The following RTF1 variants were observed in gnomAD, a reference collection of about 807,000 sequenced individuals.
RTF1 encodes RTF1 homolog, Paf1/RNA polymerase II complex component.
Under a neutral mutation model 95.7 loss-of-function variants are expected in RTF1, and 10 were observed. The ratio of observed to expected loss-of-function variants is 0.10; its 90% CI spans 0.06 to 0.18. The LOEUF (loss-of-function observed/expected upper bound fraction) is 0.18, where lower values mean the gene tolerates loss of function less well. RTF1 is among the 10% of genes least tolerant of loss of function. RTF1 has a pLI of 1.00. For synonymous variants in RTF1, 305 were observed against 311.8 expected (o/e 0.98, Z 0.23); for missense variants, 458 against 875.6 (o/e 0.52, Z 6.02).
chr15:41,474,492 G>A (rs1418797412), intron 8 of RTF1, 128 bp from the exon 9 acceptor site: 1 of 702,766 alleles, frequency 1.4e-6, no homozygotes. Context: ...CAGAACCCCT[G>A]GCAGCTGTGG....
chr15:41,458,087 A>G (rs1321992111), intron 4 of RTF1, among the ~76,000 whole-genome samples: 1 of 152,184 alleles, frequency 6.6e-6, no homozygotes, highest in Non-Finnish European at 1.5e-5. Flanking sequence ...AATGTACGTT[A>G]TTCAGAAGGT....
intron 7 of RTF1, 112 bp downstream of exon 7, chr15:41,470,504 C>G (rs2050904686): frequency 8.6e-7 from 1 of 1,157,576 alleles, no homozygotes; most frequent in Non-Finnish European, 1.3e-6. Context: ...GACATGGTTA[C>G]CTTTGGTTTG....
intron 4 of RTF1, among the ~76,000 whole-genome samples, chr15:41,458,613 G>C (rs1335020818): frequency 6.6e-6 from 1 of 151,090 alleles, no homozygotes; most frequent in Non-Finnish European, 1.5e-5. Context: ...GCCTGGTGTG[G>C]TGTTGTGCAC....
At chr15:41,428,918 G>A (rs1454140095) in intron 1 of RTF1, among the ~76,000 whole-genome samples, 2 of 152,006 alleles carry the variant, frequency 1.3e-5, no homozygotes, top group African/African-American at 4.8e-5. Flanking sequence ...TGTATTTTTA[G>A]TAGAGACGGG....
intron 1 of RTF1, among the ~76,000 whole-genome samples, chr15:41,433,322 A>T (rs2050685087): frequency 6.6e-6 from 1 of 152,142 alleles, no homozygotes. Flanking sequence ...CAGAGAAGAG[A>T]TTACTTACCA....
chr15:41,421,120 G>T (rs1254345257), intron 1 of RTF1, among the ~76,000 whole-genome samples: 1 of 152,098 alleles, frequency 6.6e-6, no homozygotes, highest in Non-Finnish European at 1.5e-5. Context: ...CCAGGTGTTT[G>T]AGATCAGCGT....
chr15:41,446,808 T>A (rs955920924), intron 2 of RTF1, among the ~76,000 whole-genome samples: 63 of 151,170 alleles, frequency 4.2e-4, no homozygotes, highest in East Asian at 7.8e-4. Flanking sequence ...CTGTTATTTT[T>A]TTTTTTTTTT....
At chr15:41,429,808 C>T (rs2050659501) in intron 1 of RTF1, among the ~76,000 whole-genome samples, 2 of 151,902 alleles carry the variant, frequency 1.3e-5, no homozygotes, top group Admixed American at 6.6e-5. Context: ...CCTCTCTAAC[C>T]ACCCTACTGC....
chr15:41,433,811 C>G (rs1169193072), intron 1 of RTF1, among the ~76,000 whole-genome samples: 1 of 150,316 alleles, frequency 6.7e-6, no homozygotes, highest in Non-Finnish European at 1.5e-5. Flanking sequence ...GGTAACAACT[C>G]AGATGTTTTA....
chr15:41,422,291 C>T (rs1441152783), intron 1 of RTF1, among the ~76,000 whole-genome samples: 1 of 152,096 alleles, frequency 6.6e-6, no homozygotes, highest in Admixed American at 6.6e-5. Flanking sequence ...CTTATTTTAA[C>T]CTTTGAAAGT....
chr15:41,474,599 C>T lies in RTF1; in HGVS notation c.1204-21C>T, dbSNP rs3850773. 690 of 1,577,676 alleles carry T rather than the reference C, an allele frequency of 4.4e-4. 1 individual carries two copies. In the African/African-American group the frequency reaches 8.0e-3, roughly 18 times the overall value. On this transcript the variant is annotated intron_variant, in intron 8 of 17. Transcript: ENST00000389629. Reference sequence around the variant, plus strand: ...TCCGGAAGAGTCTGGTTTTGACTGGCGTCTCTGTCCTCTCACTTAGGTCGC... The same window carrying T: ...TCCGGAAGAGTCTGGTTTTGACTGGTGTCTCTGTCCTCTCACTTAGGTCGC...
intron 7 of RTF1, 57 bp downstream of exon 7, chr15:41,470,449 G>C (rs2050904398): frequency 6.3e-7 from 1 of 1,577,460 alleles, no homozygotes; most frequent in Non-Finnish European, 8.7e-7. Context: ...TTGAGGAAGA[G>C]CTTGGTATCG....
intron 9 of RTF1, among the ~76,000 whole-genome samples, 193 bp downstream of exon 9, chr15:41,474,895 G>A (rs532170159): frequency 2.0e-5 from 3 of 152,166 alleles, no homozygotes; most frequent in Admixed American, 2.0e-4. Context: ...TCCTCTAGAG[G>A]GAACCAAATA....
At chr15:41,443,290 T>C (rs2140954004) in intron 2 of RTF1, among the ~76,000 whole-genome samples, 1 of 152,288 alleles carries the variant, frequency 6.6e-6, no homozygotes, top group Non-Finnish European at 1.5e-5. Flanking sequence ...TCACATATAA[T>C]GTAGCTTGGT....
intron 1 of RTF1, among the ~76,000 whole-genome samples, chr15:41,420,367 A>C (rs932759248): frequency 1.2e-4 from 19 of 152,182 alleles, no homozygotes; most frequent in African/African-American, 4.3e-4. Context: ...TCAAAGAGGA[A>C]GATCTCTGCC....
chr15:41,475,544 G>C lies in RTF1; in HGVS notation c.1306G>C (p.Val436Leu). Residue 436 changes from valine to leucine, a missense_variant, in exon 10 of 18, where the codon GTG becomes CTG. Transcript: ENST00000389629. ...LQLRHGNDQR[V>L]FRLEFVSNQE... Reference sequence around the variant, plus strand: ...ATGTAGGCATGGCAATGACCAACGCGTGTTCCGTTTAGAGTTTGTCTCAAA... The same window carrying C: ...ATGTAGGCATGGCAATGACCAACGCCTGTTCCGTTTAGAGTTTGTCTCAAA... 6.2e-7 allele frequency: 1 copy of C among 1,614,122 alleles called. No individual in the cohort carries two copies. The highest frequency in any genetic ancestry group is 8.5e-7 in the Non-Finnish European group (1 of 1,179,996).
chr15:41,478,658 C>G (rs2050954565), intron 15 of RTF1, 33 bp downstream of exon 15: 2 of 1,515,276 alleles, frequency 1.3e-6, no homozygotes, highest in Non-Finnish European at 1.8e-6. Flanking sequence ...TTAGTCAGGA[C>G]CTAGATTCTA....
chr15:41,423,265 A>C (rs912017601), intron 1 of RTF1, among the ~76,000 whole-genome samples: 2 of 152,222 alleles, frequency 1.3e-5, no homozygotes, highest in Admixed American at 1.3e-4. Context: ...GAGAAGTGTC[A>C]GTGTTAATTT....
intron 1 of RTF1, among the ~76,000 whole-genome samples, chr15:41,427,093 G>A (rs1243662159): frequency 2.0e-5 from 3 of 149,376 alleles, no homozygotes; most frequent in Non-Finnish European, 4.4e-5. Flanking sequence ...ACCCACCTTG[G>A]CCTCCCAAAG....
Sources: allele counts gnomAD v4.1 joint callset (sites outside exome capture counted in the v4.1 genomes callset), GRCh38; gene constraint gnomAD v4.1.1; transcripts MANE v1.5; gene names NCBI Gene and HGNC (gene_info 2026-07-23, HGNC 2026-07-21).